The following DDO variants were observed in gnomAD, a reference collection of about 807,000 sequenced individuals.
DDO encodes the protein D-aspartate oxidase, DDO.
Under a neutral mutation model 16.8 loss-of-function variants are expected in DDO, and 16 were observed. The ratio of observed to expected loss-of-function variants is 0.95; its 90% CI spans 0.65 to 1.45. DDO has a LOEUF of 1.45. DDO is among the 40% of genes most tolerant of loss of function. DDO has a pLI of 0.00. For missense variants in DDO, 429 were observed against 420.3 expected (o/e 1.02, Z -0.18); for synonymous variants, 180 against 167.2 (o/e 1.08, Z -0.59).
Position 110,398,344 on chromosome 6 carries a change from T to C in DDO, c.459-5002A>G, listed in dbSNP as rs143773152. Among the ~76,000 whole-genome samples the C allele has an allele frequency of 6.9e-3, 1,037 of 151,368 alleles. 3 individuals are homozygous for C. The highest frequency in any genetic ancestry group is 0.012 in the Non-Finnish European group (801 of 67,882). On this transcript the variant is annotated intron_variant, in intron 4 of 4. Transcript: ENST00000368924. ...AGGTAAATTGAGTTGGCTGTGCCCC[T>C]GAGGAAAATAAGGGTCCACTAAGCA...
chr6:110,414,920 C>T (rs752660272), intron 1 of DDO, among the ~76,000 whole-genome samples: 49 of 152,356 alleles, frequency 3.2e-4, no homozygotes, highest in Admixed American at 1.0e-3. Context: ...GCAGGAAAAA[C>T]GTGGGCTTGG....
intron 2 of DDO, among the ~76,000 whole-genome samples, chr6:110,409,749 C>A (rs989916750): frequency 3.4e-4 from 52 of 152,282 alleles, no homozygotes; most frequent in African/African-American, 1.2e-3. Context: ...AATTTGGCCT[C>A]AAATAGACTT....
chr6:110,398,506 T>C (rs1023947011), intron 4 of DDO, among the ~76,000 whole-genome samples: 5 of 151,890 alleles, frequency 3.3e-5, no homozygotes, highest in Non-Finnish European at 1.5e-5. Flanking sequence ...CCACTGAAGC[T>C]GAAGCCATGG....
At chr6:110,401,614 G>A (rs1773488730) in intron 4 of DDO, among the ~76,000 whole-genome samples, 1 of 152,082 alleles carries the variant, frequency 6.6e-6, no homozygotes, top group Non-Finnish European at 1.5e-5. Context: ...GTACCAATGA[G>A]TTCATCCTGA....
Position 110,415,516 on chromosome 6 carries a change from A to G in DDO, c.-54T>C. 6.2e-7 allele frequency: 1 copy of G among 1,614,186 alleles called. No individual in the cohort carries two copies. The highest frequency in any genetic ancestry group is 8.5e-7 in the Non-Finnish European group (1 of 1,180,032). ...AAGCCACCAAAATCTCTGGCACCAA[A>G]CCTTGTTTCCCAGTGCCTGGCTGGT... is the stretch of plus-strand genomic sequence containing the variant. On this transcript the variant is annotated 5_prime_UTR_variant, in exon 1 of 5. Coordinates refer to ENST00000368924, the MANE Select transcript of DDO (RefSeq NM_001372108.2).
chr6:110,390,688 G>A (rs1329853082), downstream of DDO, among the ~76,000 whole-genome samples: 2 of 152,222 alleles, frequency 1.3e-5, no homozygotes, highest in African/African-American at 4.8e-5. Context: ...TACACTTAAA[G>A]CTGCTTCGAA....
chr6:110,413,512 T>C, intron 1 of DDO, 46 bp from the exon 2 acceptor site: 1 of 1,585,704 alleles, frequency 6.3e-7, no homozygotes, highest in East Asian at 2.2e-5. Context: ...TTAAGGATTT[T>C]CCCATCCAGA....
chr6:110,408,261 T>A, intron 3 of DDO, 73 bp downstream of exon 3: 1 of 1,410,084 alleles, frequency 7.1e-7, no homozygotes, highest in Admixed American at 1.7e-5. Context: ...ACTCAGTAAA[T>A]ATTTTATGTT....
At chr6:110,389,257 G>A (rs763111468), downstream of DDO, among the ~76,000 whole-genome samples, 7 of 152,172 alleles carry the variant, frequency 4.6e-5, no homozygotes, top group Non-Finnish European at 1.0e-4. Context: ...TGGCTCCTCT[G>A]GGTTTCGGGC....
intron 4 of DDO, among the ~76,000 whole-genome samples, chr6:110,395,789 C>G (rs895679668): frequency 6.6e-6 from 1 of 152,164 alleles, no homozygotes; most frequent in African/African-American, 2.4e-5. Flanking sequence ...TTCTAACTTT[C>G]CGCCCCACTT....
Position 110,392,823 on chromosome 6 carries a change from G to A in DDO, c.978C>T (p.Ser326=), listed in dbSNP as rs150635890. 5.1e-4 allele frequency: 814 copies of A among 1,606,912 alleles called. 3 individuals carry two copies. In the African/African-American group the frequency reaches 9.2e-3, roughly 18 times the overall value. The part of the protein sequence containing the change: ...GTALEAARLV[S]ECVHALRTPI... ...GGGTCCTGAGGGCATGGACACACTC[G>A]CTCACCAGCCTGGCGGCCTCCAGAG... Residue 326 remains serine (S), a synonymous_variant, in exon 5 of 5, where the codon AGC becomes AGT. Coordinates refer to ENST00000368924, the MANE Select transcript of DDO (RefSeq NM_001372108.2).
At position 110,392,987 on chromosome 6, in the gene DDO, T is replaced by C. The variant is rs1773156684; in HGVS notation, c.814A>G (p.Arg272Gly). The change falls in exon 5 of 5, where the codon AGG becomes GGG. Residue 272 changes from arginine (R) to glycine (G), a missense_variant. Coordinates refer to ENST00000368924, the MANE Select transcript of DDO (RefSeq NM_001372108.2). Reference protein sequence around the residue: ...EPSLHGACNIREKVGLRPYRP... With the variant: ...EPSLHGACNIGEKVGLRPYRP... Reference sequence around the variant, plus strand: ...TAGGGCCTCAAGCCCACCTTCTCCCTGATGTTGCAGGCTCCGTGGAGGGAG... The same window carrying C: ...TAGGGCCTCAAGCCCACCTTCTCCCCGATGTTGCAGGCTCCGTGGAGGGAG... The C allele has an allele frequency of 1.2e-6, 2 of 1,612,132 alleles. No individual in the cohort carries two copies. The highest frequency in any genetic ancestry group is 1.7e-6 in the Non-Finnish European group (2 of 1,178,418).
In DDO at chr6:110,404,760, G is replaced by A. The variant is rs1443355244; in HGVS notation, c.458+14C>T. On this transcript the variant is annotated intron_variant, in intron 4 of 4. Coordinates refer to ENST00000368924, the MANE Select transcript of DDO (RefSeq NM_001372108.2). ...ATGACAGATAAGGAAATATCAGGGAGCATTTCAACTGACCTTTTCTCCAAC... is the reference window on the plus strand; with the variant it reads ...ATGACAGATAAGGAAATATCAGGGAACATTTCAACTGACCTTTTCTCCAAC... 4 of 1,613,070 alleles carry A rather than the reference G, an allele frequency of 2.5e-6. No individual in the cohort carries two copies. In the South Asian group the frequency reaches 3.3e-5, roughly 13 times the overall value.
chr6:110,390,205 C>A (rs1306172635), downstream of DDO, among the ~76,000 whole-genome samples: 1 of 152,136 alleles, frequency 6.6e-6, no homozygotes, highest in African/African-American at 2.4e-5. Flanking sequence ...AATGGTGACG[C>A]TAGCAGTGGG....
downstream of DDO, among the ~76,000 whole-genome samples, chr6:110,391,191 C>T (rs59002629): frequency 0.018 from 2,694 of 152,282 alleles, 78 homozygotes; most frequent in African/African-American, 0.062. Flanking sequence ...TCTGAATGAA[C>T]GCAACAGTAA....
intron 4 of DDO, among the ~76,000 whole-genome samples, chr6:110,394,744 T>C (rs1280698962): frequency 6.6e-6 from 1 of 152,236 alleles, no homozygotes. Context: ...TTTGAGCTCT[T>C]GGCCAACTCA....
At position 110,391,968 on chromosome 6, in the gene DDO, C is replaced by T. The variant is rs1364668147; in HGVS notation, c.*807G>A. 1.9e-5 allele frequency: 3 copies of T among 159,554 alleles called. No homozygotes were observed. Among genetic ancestry groups the T allele is most frequent in the Non-Finnish European group, 2.7e-5 (2 of 74,796 alleles). The allele number at this position is 159,554 out of a possible 1,614,324, so 9.9% of individuals were successfully genotyped here. On this transcript the variant is annotated 3_prime_UTR_variant, in exon 5 of 5. Coordinates refer to ENST00000368924, the MANE Select transcript of DDO (RefSeq NM_001372108.2). Reference sequence around the variant, plus strand: ...TCAAAAATGCTTAGGCAAAGCCAACCATACCACAAACCAGCTCTCAATCAT... The same window carrying T: ...TCAAAAATGCTTAGGCAAAGCCAACTATACCACAAACCAGCTCTCAATCAT...
At position 110,415,520 on chromosome 6, in the gene DDO, T is replaced by C; in HGVS notation, c.-58A>G. 6.2e-7 allele frequency: 1 copy of C among 1,614,218 alleles called. No homozygotes were observed. The highest frequency in any genetic ancestry group is 8.5e-7 in the Non-Finnish European group (1 of 1,180,038). On this transcript the variant is annotated 5_prime_UTR_variant, in exon 1 of 5. Transcript: ENST00000368924. ...CACCAAAATCTCTGGCACCAAACCT[T>C]GTTTCCCAGTGCCTGGCTGGTCTCA...
rs60246519 is a variant in DDO at position 110,398,672 on chromosome 6, C to A, written c.459-5330G>T. Among the ~76,000 whole-genome samples, 613 of 152,214 alleles carry A rather than the reference C, an allele frequency of 4.0e-3. 4 individuals carry two copies. The highest frequency in any genetic ancestry group is 0.014 in the African/African-American group (589 of 41,514). On this transcript the variant is annotated intron_variant, in intron 4 of 4. Transcript: ENST00000368924. ...GGGGCTAATGATGGTGCTGAGGAAG[C>A]CAGTTTCTTTCACAGGCATTGCTGT... is the stretch of plus-strand genomic sequence containing the variant.
Sources: gnomAD v4.1 joint callset for allele counts (sites outside exome capture counted in the v4.1 genomes callset) on GRCh38, gnomAD v4.1.1 for gene constraint, MANE v1.5 for transcripts, NCBI Gene and HGNC (gene_info 2026-07-23, HGNC 2026-07-21) for gene names.